NUDCD1: variants seen among roughly 807,000 people sequenced by gnomAD.
NUDCD1 encodes the protein NudC domain containing 1.
Under a neutral mutation model 67.8 loss-of-function variants are expected in NUDCD1, and 60 were observed. The observed-to-expected ratio is 0.88, with a 90% CI of 0.72 to 1.10. NUDCD1 has a LOEUF of 1.10. Among genes scored for constraint, NUDCD1 ranks in the 50% least tolerant of loss-of-function variants. NUDCD1 has a pLI of 0.00. For missense variants in NUDCD1, 643 were observed against 695.0 expected (o/e 0.93, Z 0.84); for synonymous variants, 244 against 230.8 (o/e 1.06, Z -0.52).
chr8:109,258,064 G>A (rs766465239), intron 8 of NUDCD1, among the ~76,000 whole-genome samples: 11 of 152,006 alleles, frequency 7.2e-5, no homozygotes, highest in Non-Finnish European at 1.5e-4. Flanking sequence ...ACATGTCCTA[G>A]TCAAGTAATC....
chr8:109,270,391 G>T (rs1290170330), intron 8 of NUDCD1, among the ~76,000 whole-genome samples: 1 of 150,820 alleles, frequency 6.6e-6, no homozygotes, highest in African/African-American at 2.4e-5. Context: ...TCAAACAAAA[G>T]TGAAGGTGAA....
chr8:109,246,722 AC>A (rs199523977), intron 8 of NUDCD1, among the ~76,000 whole-genome samples: 3,151 of 152,306 alleles, frequency 0.021, 108 homozygotes, highest in African/African-American at 0.072. Flanking sequence ...CAGAATACCA[AC>A]AAAAATCACA....
chr8:109,276,721 A>G (rs1563668440), intron 6 of NUDCD1, among the ~76,000 whole-genome samples: 1 of 152,180 alleles, frequency 6.6e-6, no homozygotes, highest in African/African-American at 2.4e-5. Flanking sequence ...CAATGGCACA[A>G]TCTCTCTTAC....
intron 1 of NUDCD1, among the ~76,000 whole-genome samples, chr8:109,323,322 T>A (rs1815585823): frequency 6.6e-6 from 1 of 152,190 alleles, no homozygotes; most frequent in African/African-American, 2.4e-5. Flanking sequence ...CAATACCTGC[T>A]TTGAGTCCTG....
intron 2 of NUDCD1, among the ~76,000 whole-genome samples, chr8:109,304,253 T>C (rs982986283): frequency 6.6e-6 from 1 of 152,184 alleles, no homozygotes; most frequent in Non-Finnish European, 1.5e-5. Context: ...TTGACCTTAC[T>C]GTTTTAGGCT....
intron 5 of NUDCD1, among the ~76,000 whole-genome samples, chr8:109,284,697 T>C (rs1211236935): frequency 6.6e-6 from 1 of 151,902 alleles, no homozygotes; most frequent in Non-Finnish European, 1.5e-5. Context: ...GAAAGTGCTA[T>C]GTATCTACCT....
intron 1 of NUDCD1, chr8:109,329,693 T>G (rs1815759245): frequency 2.2e-6 from 2 of 918,832 alleles, no homozygotes; most frequent in Non-Finnish European, 3.3e-6. Flanking sequence ...ATTTCACGGG[T>G]GTATACATAT....
At chr8:109,286,690 T>G (rs1257267504) in intron 5 of NUDCD1, among the ~76,000 whole-genome samples, 3 of 152,038 alleles carry the variant, frequency 2.0e-5, no homozygotes, top group Non-Finnish European at 4.4e-5. Flanking sequence ...GAAGAAAACC[T>G]AGGAAACACC....
intron 1 of NUDCD1, among the ~76,000 whole-genome samples, chr8:109,331,967 G>A (rs1430972709): frequency 6.6e-6 from 1 of 152,176 alleles, no homozygotes; most frequent in Non-Finnish European, 1.5e-5. Context: ...GTGCAAGGAT[G>A]TCCAGCATAC....
chr8:109,326,501 C>A (rs1222730857), intron 1 of NUDCD1, among the ~76,000 whole-genome samples: 1 of 152,088 alleles, frequency 6.6e-6, no homozygotes, highest in Non-Finnish European at 1.5e-5. Flanking sequence ...TAGGGGGCAG[C>A]GAGGCTTCAA....
At chr8:109,314,278 G>A (rs1815334347) in intron 2 of NUDCD1, among the ~76,000 whole-genome samples, 1 of 152,136 alleles carries the variant, frequency 6.6e-6, no homozygotes, top group African/African-American at 2.4e-5. Flanking sequence ...ACAGCTGACT[G>A]CAGAAGGATT....
intron 6 of NUDCD1, among the ~76,000 whole-genome samples, chr8:109,277,717 T>C (rs1814328923): frequency 6.6e-6 from 1 of 152,226 alleles, no homozygotes; most frequent in Admixed American, 6.5e-5. Flanking sequence ...CATTGAATGC[T>C]GAAACTACTT....
At chr8:109,290,422 GC>G (rs1814685522) in intron 4 of NUDCD1, among the ~76,000 whole-genome samples, 1 of 152,064 alleles carries the variant, frequency 6.6e-6, no homozygotes, top group Admixed American at 6.6e-5. Context: ...AAGCCTGTCT[GC>G]CTTCTCAGCA....
chr8:109,244,747 T>C (rs1057012410), intron 9 of NUDCD1, among the ~76,000 whole-genome samples: 3 of 152,162 alleles, frequency 2.0e-5, no homozygotes, highest in Non-Finnish European at 2.9e-5. Flanking sequence ...ATTGCATACG[T>C]CTATAATTAA....
intron 8 of NUDCD1, among the ~76,000 whole-genome samples, chr8:109,254,127 A>G (rs909000570): frequency 1.3e-5 from 2 of 152,222 alleles, no homozygotes; most frequent in African/African-American, 4.8e-5. Flanking sequence ...CTTTGGGTAC[A>G]TGCACTGCCA....
chr8:109,256,770 G>A (rs1406267333), intron 8 of NUDCD1, among the ~76,000 whole-genome samples: 1 of 151,944 alleles, frequency 6.6e-6, no homozygotes, highest in East Asian at 1.9e-4. Context: ...TGCACTGCAA[G>A]GGAAACATCT....
At chr8:109,331,412 AGGCTGAGGCAGGAGAATCGCCTGAACCCG>A (rs922339502) in intron 1 of NUDCD1, among the ~76,000 whole-genome samples, 1 of 150,332 alleles carries the variant, frequency 6.7e-6, no homozygotes, top group Non-Finnish European at 1.5e-5. Context: ...ACTACTCGGG[AGGCTGAGGCAGGAGAATCGCCTGAACCCG>A]GAAGGCAGAG....
chr8:109,296,780 A>G (rs989515636), intron 2 of NUDCD1, among the ~76,000 whole-genome samples: 2 of 152,206 alleles, frequency 1.3e-5, no homozygotes, highest in African/African-American at 4.8e-5. Flanking sequence ...CTAGGTCATA[A>G]AAGACTTTAC....
rs1815882573 is a variant in NUDCD1 at position 109,333,930 on chromosome 8, A to G, written c.81T>C (p.Leu27=). The G allele has an allele frequency of 2.5e-6, 4 of 1,614,162 alleles. No individual in the cohort carries two copies. Among genetic ancestry groups the G allele is most frequent in the Non-Finnish European group, 3.4e-6 (4 of 1,179,968 alleles). The change falls in exon 1 of 10, where the codon CTT becomes CTC. Residue 27 remains leucine (L), a synonymous_variant. Transcript: ENST00000239690. The part of the protein sequence containing the change: ...DPRFEGYKLS[L]EPLPCYQLEL... Reference sequence around the variant, plus strand: ...CCAGCTGGTAACAAGGCAGCGGCTCAAGAGAGAGCTTGTAACCCTCGAAGC... The same window carrying G: ...CCAGCTGGTAACAAGGCAGCGGCTCGAGAGAGAGCTTGTAACCCTCGAAGC...
Sources: allele counts gnomAD v4.1 joint callset (sites outside exome capture counted in the v4.1 genomes callset), GRCh38; gene constraint gnomAD v4.1.1; transcripts MANE v1.5; gene names NCBI Gene and HGNC (gene_info 2026-07-23, HGNC 2026-07-21).